ATRX: variants seen among roughly 807,000 people sequenced by gnomAD.
ATRX encodes ATRX chromatin remodeler, also known as chromatin remodeler ATRX.
Under a neutral mutation model 172.6 loss-of-function variants are expected in ATRX, and 12 were observed. The ratio of observed to expected loss-of-function variants is 0.07; its 90% CI spans 0.04 to 0.11. ATRX has a LOEUF of 0.11. ATRX is among the 10% of genes least tolerant of loss of function. The pLI, the probability that ATRX is intolerant of heterozygous loss-of-function variation, is 1.00. For missense variants in ATRX, 1,368 were observed against 1,767.4 expected, an observed-to-expected ratio of 0.77 and a Z score of 4.05; for synonymous variants, 674 against 594.7, an observed-to-expected ratio of 1.13 and a Z score of -1.94.
At chrX:77,775,830 C>G (rs1043109602) in intron 1 of ATRX, among the ~76,000 whole-genome samples, 7 of 111,244 alleles carry the variant, frequency 6.3e-5, no homozygotes, top group African/African-American at 2.3e-4. Context: ...TGCCTCCCGG[C>G]TTCAAGCAAT....
At position 77,599,815 on chromosome X, in the gene ATRX, A is replaced by G. The variant is rs782505062; in HGVS notation, c.5703T>C (p.Tyr1901=). The G allele has an allele frequency of 1.7e-6, 2 of 1,192,295 alleles. No homozygotes were observed. The highest frequency in any genetic ancestry group is 2.3e-6 in the Non-Finnish European group (2 of 878,394). ...ATTCATCCATACTGTCTTCATCAAA[A>G]TAACCCTAGAGAAAAAAAAATGACC... ...LDYISKENKG[Y]FDEDSMDEFI... The change falls in exon 24 of 35, where the codon TAT becomes TAC. Residue 1901 remains tyrosine, a synonymous_variant. Transcript: ENST00000373344.
At chrX:77,779,795 T>C (rs2076503968) in intron 1 of ATRX, among the ~76,000 whole-genome samples, 1 of 112,214 alleles carries the variant, frequency 8.9e-6, no homozygotes, top group African/African-American at 3.2e-5. Context: ...TGAATACTAC[T>C]GCCAGAACAA....
chrX:77,729,017 C>T (rs2148804165), intron 1 of ATRX, among the ~76,000 whole-genome samples: 1 of 108,167 alleles, frequency 9.2e-6, no homozygotes, highest in South Asian at 4.0e-4. Context: ...GCCTCAGCCT[C>T]CCAAAGTGCT....
At chrX:77,774,183 T>C (rs1168225829) in intron 1 of ATRX, among the ~76,000 whole-genome samples, 1 of 107,528 alleles carries the variant, frequency 9.3e-6, no homozygotes. Flanking sequence ...GACTATGCCA[T>C]TGCACTCCAG....
rs1225663167 is a variant in ATRX at position 77,765,684 on chromosome X, TTTTTTA to T, written c.20+20292_20+20297del. Among the ~76,000 whole-genome samples the T allele has an allele frequency of 4.2e-4, 47 of 110,985 alleles. 1 individual carries two copies. Among genetic ancestry groups the T allele is most frequent in the African/African-American group, 1.5e-3 (45 of 30,581 alleles). ...TCAATTTTCTCATTTTTTTTTAATT[TTTTTTA>T]TTTTTATTTTTATTTTTTTTATTGA... On this transcript the variant is annotated intron_variant, in intron 1 of 34. Coordinates refer to ENST00000373344, the MANE Select transcript of ATRX (RefSeq NM_000489.6).
chrX:77,643,118 G>A (rs1273213111), intron 15 of ATRX, among the ~76,000 whole-genome samples: 2 of 111,672 alleles, frequency 1.8e-5, no homozygotes, highest in African/African-American at 6.5e-5. Context: ...AAACCAGAGG[G>A]AGCAAAGCAG....
chrX:77,579,098 T>G (rs1179737428), intron 27 of ATRX, among the ~76,000 whole-genome samples: 1 of 112,668 alleles, frequency 8.9e-6, no homozygotes, highest in Non-Finnish European at 1.9e-5. Context: ...CTTTGTTTTG[T>G]TATTTCTGTG....
At chrX:77,781,244 C>A (rs1470447963) in intron 1 of ATRX, among the ~76,000 whole-genome samples, 5 of 110,279 alleles carry the variant, frequency 4.5e-5, no homozygotes, top group Non-Finnish European at 9.5e-5. Flanking sequence ...AGATCGAGAC[C>A]ATCCTGGCCA....
intron 6 of ATRX, 142 bp downstream of exon 6, chrX:77,693,682 G>A (rs1216308644): frequency 6.0e-6 from 3 of 499,648 alleles, no homozygotes; most frequent in East Asian, 7.6e-5. Context: ...AGAGCTCAGA[G>A]AGAAACAGAA....
At chrX:77,664,899 T>C (rs1211463883) in intron 10 of ATRX, 121 bp from the exon 11 acceptor site, 7 of 734,643 alleles carry the variant, frequency 9.5e-6, no homozygotes, top group African/African-American at 6.5e-5. Context: ...AGATTTTATA[T>C]TGTAAATAAA....
At chrX:77,583,453 G>A (rs2065900210) in intron 27 of ATRX, among the ~76,000 whole-genome samples, 1 of 110,921 alleles carries the variant, frequency 9.0e-6, no homozygotes. Context: ...GAACCTGCAA[G>A]GCAGAGACTG....
At chrX:77,716,323 AATAT>A (rs1292367303) in intron 2 of ATRX, among the ~76,000 whole-genome samples, 6 of 21,029 alleles carry the variant, frequency 2.9e-4, no homozygotes, top group Admixed American at 9.7e-4. Flanking sequence ...AAAAAAAAAA[AATAT>A]ATATATATAT....
chrX:77,676,087 G>A, intron 10 of ATRX, 139 bp downstream of exon 10: 1 of 512,836 alleles, frequency 1.9e-6, no homozygotes, highest in South Asian at 2.9e-5. Context: ...TTTCAAACTT[G>A]CAGGAAGACT....
At chrX:77,661,251 T>C (rs2069877565) in intron 12 of ATRX, among the ~76,000 whole-genome samples, 1 of 111,754 alleles carries the variant, frequency 8.9e-6, no homozygotes, top group Non-Finnish European at 1.9e-5. Context: ...TTTTTTAAAG[T>C]GGTGGTAATC....
In ATRX at chrX:77,508,505, G is replaced by T; in HGVS notation, c.7325C>A (p.Pro2442Gln). The change falls in exon 35 of 35, where the codon CCA becomes CAA. Residue 2442 changes from proline (P) to glutamine (Q), a missense_variant. Physicochemically the swap from Pro to Gln is moderately conservative, Grantham distance 76 (BLOSUM62 -1). Around this residue, in one of 17 missense-constraint regions of ATRX, gnomAD observed 100 missense variants for 153.9 expected, o/e 0.65. Transcript: ENST00000373344. ...GTTAGAAGGATTCATGATCAAATTT[G>T]GGGGCTTTGGCATCATGAGGTGACC... ...TLGHLMMPKPPNLIMNPSNYQ... is the reference protein window; with the variant it reads ...TLGHLMMPKPQNLIMNPSNYQ... 1 of 1,211,444 alleles carries T rather than the reference G, an allele frequency of 8.3e-7. No individual in the cohort carries two copies. The highest frequency in any genetic ancestry group is 1.1e-6 in the Non-Finnish European group (1 of 895,462).
At chrX:77,536,273 GA>G (rs782412895) in intron 30 of ATRX, among the ~76,000 whole-genome samples, 63 of 111,622 alleles carry the variant, frequency 5.6e-4, no homozygotes, top group African/African-American at 2.0e-3. Flanking sequence ...CAATAATAAA[GA>G]AGGAAATAAA....
At chrX:77,639,877 G>C (rs1256592937) in intron 15 of ATRX, among the ~76,000 whole-genome samples, 2 of 112,208 alleles carry the variant, frequency 1.8e-5, no homozygotes, top group Non-Finnish European at 3.8e-5. Flanking sequence ...AAAGACACAA[G>C]TACTCATAAG....
chrX:77,606,468 A>G (rs1021231620), intron 22 of ATRX, among the ~76,000 whole-genome samples: 1 of 111,431 alleles, frequency 9.0e-6, no homozygotes, highest in Admixed American at 9.6e-5. Flanking sequence ...AAAACCAGAC[A>G]AGGACACATC....
At chrX:77,705,768 A>G (rs1045221722) in intron 2 of ATRX, among the ~76,000 whole-genome samples, 4 of 112,157 alleles carry the variant, frequency 3.6e-5, no homozygotes, top group Non-Finnish European at 7.5e-5. Context: ...GAATAGGCAG[A>G]TAATTTTGAA....
Sources: allele counts gnomAD v4.1 joint callset (sites outside exome capture counted in the v4.1 genomes callset), GRCh38; gene constraint gnomAD v4.1.1; regional missense constraint gnomAD v4.1.1; transcripts MANE v1.5; gene names NCBI Gene and HGNC (gene_info 2026-07-23, HGNC 2026-07-21).